The following C2CD3 variants were observed in gnomAD, a reference collection of about 807,000 sequenced individuals.
C2CD3 encodes the protein C2 domain containing 3 centriole elongation regulator, also known as C2 domain-containing protein 3.
A neutral mutation model predicts 234.0 loss-of-function variants in C2CD3; 148 were observed. The ratio of observed to expected loss-of-function variants is 0.63; its 90% confidence interval spans 0.55 to 0.72. C2CD3 has a LOEUF of 0.72. Among genes scored for constraint, C2CD3 ranks in the 30% least tolerant of loss-of-function variants. The pLI, the probability that C2CD3 is intolerant of heterozygous loss-of-function variation, is 0.00. For missense variants in C2CD3, 2,577 were observed against 2,811.5 expected, an observed-to-expected ratio of 0.92 and a Z score of 1.89; for synonymous variants, 1,000 against 1,035.4, an observed-to-expected ratio of 0.97 and a Z score of 0.66.
At chr11:74,032,993 G>T (rs1293423851) in intron 31 of C2CD3, among the ~76,000 whole-genome samples, 2 of 152,156 alleles carry the variant, frequency 1.3e-5, no homozygotes, top group Non-Finnish European at 2.9e-5. Context: ...CAATGGCAGT[G>T]ATTTTCTTTC....
Position 74,085,829 on chromosome 11 carries a change from G to A in C2CD3, c.3699C>T (p.Ala1233=). Residue 1233 remains alanine, a synonymous_variant, in exon 21 of 33, where the codon GCC becomes GCT. Transcript: ENST00000334126. ...GGAAGGAGAGATGAGTGGTGACAGA[G>A]GCATTGACCCCGACTGTGGCACTAA... ...LQFSATVGVN[A]SVTTHLSFLP... is the part of the protein sequence containing the mutation. 1 of 1,614,088 alleles carries A rather than the reference G, an allele frequency of 6.2e-7. No individual in the cohort carries two copies. The highest frequency in any genetic ancestry group is 8.5e-7 in the Non-Finnish European group (1 of 1,180,006).
chr11:74,123,377 CAACA>C (rs984337846), intron 7 of C2CD3, among the ~76,000 whole-genome samples: 26 of 152,218 alleles, frequency 1.7e-4, no homozygotes, highest in African/African-American at 6.3e-4. Context: ...TTCATGTATT[CAACA>C]AACATTTATT....
chr11:74,111,919 T>TACACACACAC lies in C2CD3; in HGVS notation c.1843+1851_1843+1860dup, dbSNP rs61499954. Reference sequence around the variant, plus strand: ...CCCCTGGAGTAAACATATTTGCTGATACACACACACACACACACACACACA... The same window carrying TACACACACAC: ...CCCCTGGAGTAAACATATTTGCTGATACACACACACACACACACACACACACACACACACA... On this transcript the variant is annotated intron_variant, in intron 11 of 32. Transcript: ENST00000334126. Among the ~76,000 whole-genome samples, 30 of 125,198 alleles carry TACACACACAC rather than the reference T, an allele frequency of 2.4e-4. No individual in the cohort carries two copies. In the South Asian group the frequency reaches 3.1e-3, roughly 13 times the overall value. 82.1% of individuals were successfully genotyped at this position (125,198 alleles called of 152,430 possible).
intron 3 of C2CD3, among the ~76,000 whole-genome samples, chr11:74,153,187 G>A (rs1855781279): frequency 6.6e-6 from 1 of 151,570 alleles, no homozygotes; most frequent in Non-Finnish European, 1.5e-5. Context: ...CAGCCTGGGT[G>A]ACAGAGTGAG....
chr11:74,048,324 ACTGTATATTGGGAT>A lies in C2CD3; in HGVS notation c.5362_5375del (p.Ile1788SerfsTer8). 6.2e-7 allele frequency: 1 copy of A among 1,613,664 alleles called. No homozygotes were observed. Among genetic ancestry groups the A allele is most frequent in the Non-Finnish European group, 8.5e-7 (1 of 1,179,670 alleles). On this transcript the variant is annotated frameshift_variant and splice_region_variant, in exon 28 of 33. Coordinates refer to ENST00000334126, the MANE Select transcript of C2CD3 (RefSeq NM_001286577.2). LOFTEE classifies it high-confidence loss of function. ...TATCAGAGGCAGGGAAGGAAAAGGGACTGTATATTGGGATCTGTAAACACAACAAGAAAAATGGT... is the reference window on the plus strand; with the variant it reads ...TATCAGAGGCAGGGAAGGAAAAGGGACTGTAAACACAACAAGAAAAATGGT...
At chr11:74,138,691 T>C in intron 5 of C2CD3, 29 bp downstream of exon 5, 1 of 1,589,902 alleles carries the variant, frequency 6.3e-7, no homozygotes, top group Non-Finnish European at 8.6e-7. Context: ...CGTAGTTTAG[T>C]CTGACTCAGT....
Position 74,109,067 on chromosome 11 carries a change from G to T in C2CD3, c.1929C>A (p.Phe643Leu). Residue 643 changes from phenylalanine to leucine, a missense_variant, in exon 12 of 33, where the codon TTC (phenylalanine) becomes TTA (leucine). Coordinates refer to ENST00000334126, the MANE Select transcript of C2CD3 (RefSeq NM_001286577.2). ...IEHWWNSNLT[F>L]QIYVKKTPQK... The stretch of plus-strand genomic sequence containing the variant: ...GTGGAGTTTTCTTTACATAAATTTG[G>T]AAAGTGAGGTTGGAATTCCACCAGT... The T allele has an allele frequency of 6.2e-7, 1 of 1,605,316 alleles. No homozygotes were observed. The highest frequency in any genetic ancestry group is 8.5e-7 in the Non-Finnish European group (1 of 1,175,140).
intron 32 of C2CD3, among the ~76,000 whole-genome samples, chr11:74,018,978 G>C (rs1442870258): frequency 6.6e-6 from 1 of 152,126 alleles, no homozygotes; most frequent in Admixed American, 6.6e-5. Flanking sequence ...ATTCTACAGG[G>C]CCTACGTCAC....
At chr11:74,088,012 A>G (rs915168080) in intron 20 of C2CD3, among the ~76,000 whole-genome samples, 3 of 152,150 alleles carry the variant, frequency 2.0e-5, no homozygotes, top group Non-Finnish European at 4.4e-5. Context: ...TTGATGAGAG[A>G]AGACTAATTT....
At chr11:74,093,440 G>A (rs187054167) in intron 18 of C2CD3, among the ~76,000 whole-genome samples, 3 of 151,308 alleles carry the variant, frequency 2.0e-5, no homozygotes, top group African/African-American at 7.3e-5. Context: ...GAGTTTATAA[G>A]TAGGAGGCCA....
chr11:74,132,807 GA>G (rs1957718237), intron 7 of C2CD3, 36 bp downstream of exon 7: 1 of 1,597,994 alleles, frequency 6.3e-7, no homozygotes, highest in Non-Finnish European at 8.6e-7. Flanking sequence ...ATTGGAGGAA[GA>G]GTTTAAAAGG....
At chr11:74,107,881 T>G (rs1956585581) in intron 12 of C2CD3, 1 of 152,072 alleles carries the variant, frequency 6.6e-6, no homozygotes, top group African/African-American at 2.4e-5. Flanking sequence ...CCGGGCATGG[T>G]GGCTCACGCC....
At chr11:74,165,977 G>A (rs1424697510) in intron 2 of C2CD3, among the ~76,000 whole-genome samples, 3 of 152,064 alleles carry the variant, frequency 2.0e-5, no homozygotes, top group Non-Finnish European at 4.4e-5. Flanking sequence ...ACAGGCGTGA[G>A]CCACCACGTT....
In C2CD3 at chr11:74,084,851, C is replaced by T. The variant is rs1955568814; in HGVS notation, c.4000+30G>A. On this transcript the variant is annotated intron_variant, in intron 22 of 32. Transcript: ENST00000334126. ...TAGGGAAGTGAAAGGGAAAGGGTGGCATCAGAAAGTGATAATCCAGGATCC... is the reference window on the plus strand; with the variant it reads ...TAGGGAAGTGAAAGGGAAAGGGTGGTATCAGAAAGTGATAATCCAGGATCC... 4.6e-6 allele frequency: 6 copies of T among 1,295,778 alleles called. No individual in the cohort carries two copies. In the East Asian group the frequency reaches 1.4e-4, roughly 30 times the overall value. 80.3% of individuals were successfully genotyped at this position (1,295,778 alleles called of 1,614,324 possible).
intron 32 of C2CD3, among the ~76,000 whole-genome samples, chr11:74,021,777 A>G (rs1177040488): frequency 1.3e-5 from 2 of 152,222 alleles, no homozygotes; most frequent in Non-Finnish European, 2.9e-5. Context: ...CACTGGCTAC[A>G]GTGTGGAGAA....
intron 14 of C2CD3, 77 bp downstream of exon 14, chr11:74,103,054 A>G: frequency 7.2e-7 from 1 of 1,395,774 alleles, no homozygotes; most frequent in Non-Finnish European, 9.8e-7. Flanking sequence ...TCTAGATTTA[A>G]GACGAAATAA....
In C2CD3 at chr11:74,103,360, G is replaced by C; in HGVS notation, c.2351C>G (p.Thr784Arg). The change falls in exon 14 of 33, where the codon ACG becomes AGG. Residue 784 changes from threonine to arginine, a missense_variant. Coordinates refer to ENST00000334126, the MANE Select transcript of C2CD3 (RefSeq NM_001286577.2). ...VAPHPSTFVA[T>R]PASHNLVNQT... ...ATTGACTAAATTATGGGAGGCTGGC[G>C]TAGCTACGAAGGTTGAAGGATGTGG... 1 of 1,614,218 alleles carries C rather than the reference G, an allele frequency of 6.2e-7. No individual in the cohort carries two copies. Among genetic ancestry groups the C allele is most frequent in the Middle Eastern group, 1.6e-4 (1 of 6,062 alleles).
chr11:74,164,096 A>C, intron 2 of C2CD3: 11 of 680,972 alleles, frequency 1.6e-5, no homozygotes, highest in East Asian at 1.4e-4. Context: ...TTATAAGTCC[A>C]CTACACTATT....
chr11:74,030,050 C>A (rs567782665), intron 31 of C2CD3, among the ~76,000 whole-genome samples: 87 of 152,316 alleles, frequency 5.7e-4, no homozygotes, highest in African/African-American at 1.8e-3. Context: ...ACCACTATGT[C>A]TGGCCTCATG....
Sources: gnomAD v4.1 joint callset for allele counts (sites outside exome capture counted in the v4.1 genomes callset) on GRCh38, gnomAD v4.1.1 for gene constraint, MANE v1.5 for transcripts, NCBI Gene and HGNC (gene_info 2026-07-23, HGNC 2026-07-21) for gene names.